Variants in ARAP2 observed in about 807,000 individuals in gnomAD.
The protein encoded by ARAP2 is arf-GAP with Rho-GAP domain, ANK repeat and PH domain-containing protein 2.
Under a neutral mutation model 194.5 loss-of-function variants are expected in ARAP2, and 148 were observed. The observed-to-expected ratio is 0.76, with a 90% CI of 0.67 to 0.87. The LOEUF is 0.87. Among genes scored for constraint, ARAP2 ranks in the 40% least tolerant of loss-of-function variants. The pLI is 0.00. For synonymous variants in ARAP2, 695 were observed against 683.5 expected (o/e 1.02, Z -0.26); for missense variants, 2,128 against 1,989.7 (o/e 1.07, Z -1.32).
intron 18 of ARAP2, 74 bp downstream of exon 18, chr4:36,147,474 C>A: frequency 6.4e-7 from 1 of 1,571,466 alleles, no homozygotes. Context: ...CCATCAAGAT[C>A]TTACTAAAGG....
At chr4:36,108,442 C>T (rs992652543) in intron 26 of ARAP2, among the ~76,000 whole-genome samples, 25 of 151,800 alleles carry the variant, frequency 1.6e-4, no homozygotes, top group Non-Finnish European at 1.5e-5. Flanking sequence ...AATGTAACTT[C>T]TATAGAAAAC....
intron 6 of ARAP2, among the ~76,000 whole-genome samples, chr4:36,202,931 A>C (rs1744713538): frequency 3.3e-5 from 5 of 152,254 alleles, no homozygotes; most frequent in African/African-American, 7.2e-5. Flanking sequence ...AATTAAGAGA[A>C]AAACACATTT....
intron 9 of ARAP2, 107 bp downstream of exon 9, chr4:36,177,720 C>A: frequency 8.4e-7 from 1 of 1,186,604 alleles, no homozygotes; most frequent in Non-Finnish European, 1.1e-6. Context: ...GTACACAATG[C>A]TAAAACAAGA....
At chr4:36,040,829 T>C (rs1218790448) in intron 5 of ARAP2, among the ~76,000 whole-genome samples, 2 of 152,208 alleles carry the variant, frequency 1.3e-5, no homozygotes, top group African/African-American at 4.8e-5. Flanking sequence ...TGCCTTTCAT[T>C]TCTTTCTCTT....
At chr4:36,081,642 C>T (rs554759500) in intron 30 of ARAP2, among the ~76,000 whole-genome samples, 2 of 151,930 alleles carry the variant, frequency 1.3e-5, no homozygotes, top group Admixed American at 6.6e-5. Context: ...GGAGAATGTA[C>T]GACAAAACAA....
At chr4:36,107,396 A>C (rs968242801) in intron 27 of ARAP2, among the ~76,000 whole-genome samples, 169 bp downstream of exon 27, 2 of 152,084 alleles carry the variant, frequency 1.3e-5, no homozygotes, top group East Asian at 1.9e-4. Flanking sequence ...ACATTGGGAA[A>C]ATATCTTCCT....
rs145844365 is a variant in ARAP2, at chr4:36,160,205, C to A, written c.2442+254G>T. 7.5e-5 allele frequency: 82 copies of A among 1,088,162 alleles called. 1 individual carries two copies. In the African/African-American group the frequency reaches 9.9e-4, roughly 13 times the overall value. 67.4% of individuals were successfully genotyped at this position (1,088,162 alleles called of 1,614,324 possible). On this transcript the variant is annotated intron_variant, in intron 13 of 32. Transcript: ENST00000303965. ...ACTTCACTTTACTGGATCCCATTTGCTTCCAAATCCTCAGATTGTGGCAAC... is the reference window on the plus strand; with the variant it reads ...ACTTCACTTTACTGGATCCCATTTGATTCCAAATCCTCAGATTGTGGCAAC...
chr4:36,187,539 A>G lies in ARAP2; in HGVS notation c.1590T>C (p.Ser530=). 1 of 1,568,006 alleles carries G rather than the reference A, an allele frequency of 6.4e-7. No homozygotes were observed. Among genetic ancestry groups the G allele is most frequent in the Non-Finnish European group, 8.6e-7 (1 of 1,161,342 alleles). ...CTTGAACTCGTACTGTTGATATAGC[A>G]GAAAGGGGAATTATTCCTTTCGAAT... ...EMYSKGIIPL[S]AISTVRVQGD... Residue 530 remains serine, a synonymous_variant, in exon 8 of 33, where the codon TCT becomes TCC. Coordinates refer to ENST00000303965, the MANE Select transcript of ARAP2 (RefSeq NM_015230.4).
chr4:36,180,126 A>C lies in ARAP2; in HGVS notation c.1679-2121T>G, dbSNP rs1578187552. Among the ~76,000 whole-genome samples the C allele has an allele frequency of 2.0e-5, 3 of 152,128 alleles. No individual in the cohort carries two copies. In the South Asian group the frequency reaches 6.2e-4, roughly 32 times the overall value. ...GGTCTATACTAAAACTACACACACA[A>C]AAATTAGCTGGGCATGGTGGCAGTA... On this transcript the variant is annotated intron_variant, in intron 8 of 32. Transcript: ENST00000303965.
Position 36,187,512 on chromosome 4 carries a change from T to A in ARAP2, c.1617A>T (p.Gly539=), listed in dbSNP as rs747790517. 2 of 1,554,856 alleles carry A rather than the reference T, an allele frequency of 1.3e-6. No homozygotes were observed. The highest frequency in any genetic ancestry group is 2.5e-5 in the South Asian group (2 of 80,908). Residue 539 remains glycine, a synonymous_variant, in exon 8 of 33, where the codon GGA becomes GGT. Coordinates refer to ENST00000303965, the MANE Select transcript of ARAP2 (RefSeq NM_015230.4). ...LSAISTVRVQ[G]DNKFEVVTTQ... ...TTGTAACAACTTCAAATTTGTTGTC[T>A]CCTTGAACTCGTACTGTTGATATAG...
intron 13 of ARAP2, 53 bp downstream of exon 13, chr4:36,160,406 C>T (rs1733636399): frequency 7.2e-7 from 1 of 1,388,578 alleles, no homozygotes; most frequent in East Asian, 2.8e-5. Flanking sequence ...AATCTTGGCA[C>T]ATCATTAAAA....
At chr4:36,147,931 T>C (rs889624092) in intron 17 of ARAP2, among the ~76,000 whole-genome samples, 185 bp from the exon 18 acceptor site, 1 of 152,162 alleles carries the variant, frequency 6.6e-6, no homozygotes, top group African/African-American at 2.4e-5. Flanking sequence ...TATAATGCAT[T>C]TTCAAATGGC....
At chr4:36,192,123 C>T (rs1398183769) in intron 7 of ARAP2, among the ~76,000 whole-genome samples, 4 of 148,564 alleles carry the variant, frequency 2.7e-5, no homozygotes, top group South Asian at 4.3e-4. Context: ...AGAGTCACAA[C>T]AGAAACTCTC....
chr4:36,137,286 C>CA (rs1312911239), intron 19 of ARAP2, among the ~76,000 whole-genome samples: 2 of 151,762 alleles, frequency 1.3e-5, no homozygotes, highest in Non-Finnish European at 2.9e-5. Context: ...CCAAGCATTG[C>CA]AAAAATGGAA....
chr4:36,099,186 G>C (rs1716172383), intron 27 of ARAP2, among the ~76,000 whole-genome samples: 1 of 151,928 alleles, frequency 6.6e-6, no homozygotes, highest in Non-Finnish European at 1.5e-5. Context: ...AGTTTGCCGA[G>C]GATAACAACT....
At chr4:36,096,374 A>AAAAAAAAAAAAAG (rs796310005) in intron 27 of ARAP2, among the ~76,000 whole-genome samples, 2,194 of 141,670 alleles carry the variant, frequency 0.015, 168 homozygotes, top group African/African-American at 0.059. Context: ...AAAAAAAAAA[A>AAAAAAAAAAAAAG]AAAAAAGAAA....
intron 5 of ARAP2, among the ~76,000 whole-genome samples, chr4:36,032,771 C>T (rs910451252): frequency 2.6e-5 from 4 of 152,108 alleles, no homozygotes; most frequent in African/African-American, 9.7e-5. Flanking sequence ...ATTTCATCAT[C>T]CAGGTACCAC....
chr4:36,007,275 A>C (rs1476691453), intron 9 of ARAP2, among the ~76,000 whole-genome samples: 1 of 152,184 alleles, frequency 6.6e-6, no homozygotes, highest in Non-Finnish European at 1.5e-5. Context: ...GCAATTAAGT[A>C]AAGTAACTTG....
chr4:36,166,983 T>C lies in ARAP2; in HGVS notation c.1922A>G (p.Asp641Gly). 2 of 1,609,378 alleles carry C rather than the reference T, an allele frequency of 1.2e-6. No individual in the cohort carries two copies. The highest frequency in any genetic ancestry group is 8.5e-7 in the Non-Finnish European group (1 of 1,178,266). Residue 641 changes from aspartate (D) to glycine (G), a missense_variant, in exon 10 of 33, where the codon GAC becomes GGC. Transcript: ENST00000303965. Reference sequence around the variant, plus strand: ...TTCAAAAGATTGTTTCACAGTTCGGTCCACTTGCTTTACATTTGCTACATT... The same window carrying C: ...TTCAAAAGATTGTTTCACAGTTCGGCCCACTTGCTTTACATTTGCTACATT... ...PMNVANVKQV[D>G]RTVKQSFEII...
Sources: allele counts gnomAD v4.1 joint callset (sites outside exome capture counted in the v4.1 genomes callset), GRCh38; gene constraint gnomAD v4.1.1; transcripts MANE v1.5; gene names NCBI Gene and HGNC (gene_info 2026-07-23, HGNC 2026-07-21).